Variants in KRT77 observed in about 807,000 individuals in gnomAD.
The protein encoded by KRT77 is keratin, type II cytoskeletal 1b.
In KRT77, 44 loss-of-function variants were observed where a neutral mutation model predicts 51.5. The observed-to-expected ratio is 0.85, with a 90% CI of 0.67 to 1.10. KRT77 has a LOEUF of 1.10. KRT77 is among the 50% of genes least tolerant of loss of function. KRT77 has a pLI of 0.00. For missense variants in KRT77, 763 were observed against 743.9 expected, an observed-to-expected ratio of 1.03 and a Z score of -0.30; for synonymous variants, 293 against 302.0, an observed-to-expected ratio of 0.97 and a Z score of 0.31.
chr12:52,696,588 G>T, intron 2 of KRT77, 158 bp from the exon 3 acceptor site: 1 of 655,044 alleles, frequency 1.5e-6, no homozygotes, highest in Non-Finnish European at 2.7e-6. Context: ...CCAGAGGCTG[G>T]CACTCTCATG....
Position 52,697,777 on chromosome 12 carries a change from G to A in KRT77, c.663C>T (p.Asp221=). ...TGAGCAAATCCACCTGCCTCCGCAG[G>A]TCACCGATGTAGTTCTCCAAGAGGG... is the stretch of plus-strand genomic sequence containing the variant. ...LEPLLENYIG[D]LRRQVDLLSA... is the part of the protein sequence containing the mutation. The change falls in exon 2 of 9, where the codon GAC becomes GAT. Residue 221 remains aspartate, a synonymous_variant. Transcript: ENST00000341809. The A allele has an allele frequency of 6.2e-7, 1 of 1,614,122 alleles. No homozygotes were observed. Among genetic ancestry groups the A allele is most frequent in the Non-Finnish European group, 8.5e-7 (1 of 1,179,994 alleles).
At chr12:52,696,544 A>T in intron 2 of KRT77, 114 bp from the exon 3 acceptor site, 4 of 854,648 alleles carry the variant, frequency 4.7e-6, no homozygotes, top group Non-Finnish European at 7.7e-6. Flanking sequence ...TCCTGGGTTC[A>T]GAGAACCCTG....
chr12:52,699,139 C>G, intron 1 of KRT77, among the ~76,000 whole-genome samples: 1 of 152,206 alleles, frequency 6.6e-6, no homozygotes, highest in South Asian at 2.1e-4. Flanking sequence ...GCACAGCTCA[C>G]AACACCGTGA....
chr12:52,697,850 T>C lies in KRT77; in HGVS notation c.590A>G (p.Glu197Gly). The part of the protein sequence containing the change: ...QQNQVLQTKW[E>G]LLQQVNTSTG... The stretch of plus-strand genomic sequence containing the variant: ...TGAGGTGTTCACCTGCTGCAGCAAC[T>C]CCCATTTTGTTTGTAGCACCTGGTT... The change falls in exon 2 of 9, where the codon GAG becomes GGG. Residue 197 changes from glutamate (E) to glycine (G), a missense_variant. Physicochemically the swap from Glu to Gly is moderately conservative, Grantham distance 98. Transcript: ENST00000341809. 1.9e-6 allele frequency: 3 copies of C among 1,613,964 alleles called. No homozygotes were observed. Among genetic ancestry groups the C allele is most frequent in the Non-Finnish European group, 2.5e-6 (3 of 1,179,960 alleles).
Position 52,691,353 on chromosome 12 carries a change from C to A in KRT77, c.1549G>T (p.Gly517Trp), listed in dbSNP as rs762222509. ...TAGCTTCTTCCGCCGCCATAGCCCCCACCGCTGCCGCCGCCGTAGCCTCCT... is the reference window on the plus strand; with the variant it reads ...TAGCTTCTTCCGCCGCCATAGCCCCAACCGCTGCCGCCGCCGTAGCCTCCT... ...GSGGYGGGSG[G>W]GYGGGRSYRG... The change falls in exon 9 of 9, where the codon GGG (glycine) becomes TGG (tryptophan). Residue 517 changes from glycine (G) to tryptophan (W), a missense_variant. By Grantham distance (184) the Gly-to-Trp change is radical (BLOSUM62 -2). Transcript: ENST00000341809. 13 of 1,595,452 alleles carry A rather than the reference C, an allele frequency of 8.1e-6. No individual in the cohort carries two copies. Among genetic ancestry groups the A allele is most frequent in the African/African-American group, 6.7e-5 (5 of 74,764 alleles).
chr12:52,690,473 T>TTAAAAA lies in KRT77; in HGVS notation c.*691_*692insTTTTTA. On this transcript the variant is annotated 3_prime_UTR_variant, in exon 9 of 9. Coordinates refer to ENST00000341809, the MANE Select transcript of KRT77 (RefSeq NM_175078.3). ...GAGGCTATGGACCAAGAGGCAGGAA[T>TTAAAAA]AGGCCGCTGGTGCAGAGGTTTTCCT... The TTAAAAA allele has an allele frequency of 1.3e-5, 2 of 155,562 alleles. No individual in the cohort carries two copies. Among genetic ancestry groups the TTAAAAA allele is most frequent in the Admixed American group, 6.2e-5 (1 of 16,202 alleles). 9.6% of individuals were successfully genotyped at this position (155,562 alleles called of 1,614,324 possible). A position where few individuals can be genotyped will look rare whatever the true frequency, so the allele number is the denominator to read the frequency against.
chr12:52,698,021 C>G, intron 1 of KRT77, 125 bp from the exon 2 acceptor site: 1 of 1,415,434 alleles, frequency 7.1e-7, no homozygotes, highest in Non-Finnish European at 9.7e-7. Context: ...CTCCAAGGGT[C>G]AGAGAGCTTC....
intron 1 of KRT77, among the ~76,000 whole-genome samples, chr12:52,698,993 G>A (rs1471207103): frequency 6.6e-6 from 1 of 152,204 alleles, no homozygotes; most frequent in East Asian, 1.9e-4. Context: ...CCTCTGAGGG[G>A]CCAACCCTGG....
Position 52,694,640 on chromosome 12 carries a change from G to A in KRT77, c.1066C>T (p.Leu356=), listed in dbSNP as rs1941764507. ...GCCACGCCCACCTTGGTCTGGTACA[G>A]GGCTTCGGCCTCGTCCTTGCTCCTC... ...AQRSKDEAEA[L]YQTKYQELQI... The change falls in exon 5 of 9, where the codon CTG becomes TTG. Residue 356 remains leucine (L), a synonymous_variant. Coordinates refer to ENST00000341809, the MANE Select transcript of KRT77 (RefSeq NM_175078.3). 1.2e-6 allele frequency: 2 copies of A among 1,607,190 alleles called. No individual in the cohort carries two copies. Among genetic ancestry groups the A allele is most frequent in the African/African-American group, 2.7e-5 (2 of 74,972 alleles).
intron 1 of KRT77, among the ~76,000 whole-genome samples, chr12:52,701,084 C>T (rs1212161096): frequency 6.6e-6 from 1 of 152,252 alleles, no homozygotes; most frequent in Non-Finnish European, 1.5e-5. Context: ...CTGCCCTATG[C>T]CATGCAACTG....
chr12:52,697,145 C>G (rs1449050980), intron 2 of KRT77, among the ~76,000 whole-genome samples: 1 of 152,228 alleles, frequency 6.6e-6, no homozygotes, highest in East Asian at 1.9e-4. Context: ...CAGCAGTTCT[C>G]AAAGTGTGGT....
rs1279867353 is a variant in KRT77, at chr12:52,703,091, G to T, written c.344C>A (p.Ala115Asp). Reference sequence around the variant, plus strand: ...CCCAAAATTGCTAGTCCCAAATCCAGCACCCCCAAAACCACCTCCTCCAAA... The same window carrying T: ...CCCAAAATTGCTAGTCCCAAATCCATCACCCCCAAAACCACCTCCTCCAAA... ...GGFGGGGFGG[A>D]GFGTSNFGLG... The change falls in exon 1 of 9, where the codon GCT becomes GAT. Residue 115 changes from alanine to aspartate, a missense_variant. Transcript: ENST00000341809. 1.9e-6 allele frequency: 3 copies of T among 1,613,400 alleles called. No homozygotes were observed. The African/African-American group carries it at 4.0e-5, about 22-fold the overall frequency.
rs1357927231 is a variant in KRT77, at chr12:52,696,403, A to C, written c.786T>G (p.Thr262=). ...GGACGACAAAGTCATTCTCGCTGCC[A>C]GTCCTCTTGTTGATTTCATCCTCAT... ...SKYEDEINKR[T]GSENDFVVLK... Residue 262 remains threonine (T), a synonymous_variant, in exon 3 of 9, where the codon ACT becomes ACG. Coordinates refer to ENST00000341809, the MANE Select transcript of KRT77 (RefSeq NM_175078.3). 1 of 1,614,052 alleles carries C rather than the reference A, an allele frequency of 6.2e-7. No homozygotes were observed. The highest frequency in any genetic ancestry group is 8.5e-7 in the Non-Finnish European group (1 of 1,180,024).
chr12:52,700,118 A>G (rs1941864334), intron 1 of KRT77, among the ~76,000 whole-genome samples: 1 of 152,058 alleles, frequency 6.6e-6, no homozygotes, highest in Admixed American at 6.5e-5. Context: ...CTTTGGCTCC[A>G]TTTCCACTCT....
chr12:52,699,910 C>G (rs1941860892), intron 1 of KRT77, among the ~76,000 whole-genome samples: 1 of 152,206 alleles, frequency 6.6e-6, no homozygotes, highest in African/African-American at 2.4e-5. Context: ...ACGGAGAAGA[C>G]AAAAAGTGTC....
Position 52,692,428 on chromosome 12 carries a change from C to A in KRT77, c.1420G>T (p.Glu474Ter). The A allele has an allele frequency of 6.2e-7, 1 of 1,613,976 alleles. No homozygotes were observed. Among genetic ancestry groups the A allele is most frequent in the Non-Finnish European group, 8.5e-7 (1 of 1,179,992 alleles). ...CACAGCTGCCAGACCCACCTGCTCT[C>A]CTCGCCCTCCAGCAGCTGGCGGTAG... ...ATYRQLLEGE[E>*]SRMSGELQSH... is the part of the protein sequence containing the mutation. Residue 474 changes from glutamate (E) to a stop codon, truncating the protein, a stop_gained, in exon 7 of 9, where the codon GAG becomes TAG. Coordinates refer to ENST00000341809, the MANE Select transcript of KRT77 (RefSeq NM_175078.3). LOFTEE classifies it low-confidence loss of function (END_TRUNC).
intron 8 of KRT77, among the ~76,000 whole-genome samples, chr12:52,691,701 C>A (rs1941711817): frequency 6.6e-6 from 1 of 152,206 alleles, no homozygotes; most frequent in Non-Finnish European, 1.5e-5. Flanking sequence ...CTGATTCCTC[C>A]TAGGCATCAT....
intron 4 of KRT77, 113 bp downstream of exon 4, chr12:52,695,659 A>T (rs1411045316): frequency 9.8e-6 from 6 of 614,194 alleles, no homozygotes; most frequent in Non-Finnish European, 1.4e-5. Flanking sequence ...GTACCTGGGG[A>T]GATGAGTCCC....
At chr12:52,701,822 C>T (rs190484666) in intron 1 of KRT77, among the ~76,000 whole-genome samples, 6 of 152,178 alleles carry the variant, frequency 3.9e-5, no homozygotes, top group Non-Finnish European at 8.8e-5. Flanking sequence ...TCAGACAGAA[C>T]CCTACATTGC....
Sources: allele counts gnomAD v4.1 joint callset (sites outside exome capture counted in the v4.1 genomes callset), GRCh38; gene constraint gnomAD v4.1.1; transcripts MANE v1.5; gene names NCBI Gene and HGNC (gene_info 2026-07-23, HGNC 2026-07-21).